Variants in TRAPPC10 observed in about 807,000 individuals in gnomAD.
TRAPPC10 encodes the protein trafficking protein particle complex subunit 10, also known as TRAPP 130 kDa subunit.
TRAPPC10 carries 23 observed loss-of-function variants against 125.5 expected under a neutral mutation model. That is an observed-to-expected ratio of 0.18 (90% confidence interval 0.13 to 0.26). The LOEUF (loss-of-function observed/expected upper bound fraction) is 0.26, where lower values mean the gene tolerates loss of function less well. TRAPPC10 is among the 10% of genes least tolerant of loss of function. The probability of loss-of-function intolerance (pLI) is 1.00; values close to 1 mark genes in which losing one functional copy is unlikely to be tolerated. For missense variants in TRAPPC10, 1,123 were observed against 1,308.4 expected (o/e 0.86, Z 2.19); for synonymous variants, 509 against 518.0 (o/e 0.98, Z 0.24).
At chr21:44,045,124 G>A (rs1387518379) in intron 3 of TRAPPC10, among the ~76,000 whole-genome samples, 1 of 152,066 alleles carries the variant, frequency 6.6e-6, no homozygotes, top group Admixed American at 6.6e-5. Flanking sequence ...TAGTAGAAAC[G>A]GGGTTTCACC....
intron 20 of TRAPPC10, among the ~76,000 whole-genome samples, chr21:44,095,632 C>T (rs750721778): frequency 3.9e-5 from 6 of 152,128 alleles, no homozygotes; most frequent in South Asian, 2.1e-4. Context: ...GGCGCGATCT[C>T]GGCTCACTGC....
intron 3 of TRAPPC10, among the ~76,000 whole-genome samples, chr21:44,047,871 TA>T (rs2034965659): frequency 1.3e-5 from 2 of 152,228 alleles, no homozygotes; most frequent in South Asian, 4.1e-4. Context: ...TGACAGTAGT[TA>T]CTGTAACTCT....
chr21:44,018,559 C>T (rs1000433692), intron 1 of TRAPPC10, among the ~76,000 whole-genome samples: 3 of 151,902 alleles, frequency 2.0e-5, no homozygotes, highest in Admixed American at 1.3e-4. Context: ...ATTAGCTGGG[C>T]GTGGTGGCTC....
At position 44,048,799 on chromosome 21, in the gene TRAPPC10, T is replaced by G. The variant is rs76298768; in HGVS notation, c.286-3481T>G. 5.8e-5 allele frequency among the ~76,000 whole-genome samples: 5 copies of G among 85,780 alleles called. No individual in the cohort carries two copies. The South Asian group carries it at 2.3e-3, about 40-fold the overall frequency. 56.3% of individuals were successfully genotyped at this position (85,780 alleles called of 152,430 possible). A position where few individuals can be genotyped will look rare whatever the true frequency, so the allele number is the denominator to read the frequency against. ...GTGAGCCACCATGCCCACCCTGTGT[T>G]TTTTTTTTTTTTTTTTTTTGGTTGG... is the stretch of plus-strand genomic sequence containing the variant. On this transcript the variant is annotated intron_variant, in intron 3 of 22. Transcript: ENST00000291574.
At chr21:44,047,571 C>T (rs1264379066) in intron 3 of TRAPPC10, among the ~76,000 whole-genome samples, 1 of 111,392 alleles carries the variant, frequency 9.0e-6, no homozygotes, top group Admixed American at 8.8e-5. Flanking sequence ...TGTGTGCGCG[C>T]ACACGCTACA....
intron 1 of TRAPPC10, among the ~76,000 whole-genome samples, chr21:44,025,808 A>G: frequency 7.9e-6 from 1 of 126,904 alleles, no homozygotes; most frequent in South Asian, 2.6e-4. Flanking sequence ...GGGAGAGAGC[A>G]GCAGAGGGCA....
intron 6 of TRAPPC10, chr21:44,062,748 A>G (rs980019846): frequency 3.1e-5 from 31 of 985,238 alleles, no homozygotes; most frequent in Middle Eastern, 5.2e-4. Context: ...CCACACCACT[A>G]TGCGCTCCCC....
Position 44,063,766 on chromosome 21 carries a change from A to G in TRAPPC10, c.1019A>G (p.Gln340Arg). 2 of 1,613,892 alleles carry G rather than the reference A, an allele frequency of 1.2e-6. No individual in the cohort carries two copies. The highest frequency in any genetic ancestry group is 8.5e-7 in the Non-Finnish European group (1 of 1,179,938). The change falls in exon 7 of 23, where the codon CAG (glutamine) becomes CGG (arginine). Residue 340 changes from glutamine to arginine, a missense_variant. By Grantham distance (43) the Gln-to-Arg change is conservative. Transcript: ENST00000291574. This position sits in a 1 kb window ranked among gnomAD's most constrained non-coding sequence, Gnocchi z 4.4. ...CTAGAGCTGCTGCACAACTGCGTGCAGGAACTGAAGCTCTTAGAAGTGAGT... is the reference window on the plus strand; with the variant it reads ...CTAGAGCTGCTGCACAACTGCGTGCGGGAACTGAAGCTCTTAGAAGTGAGT... ...RALELLHNCV[Q>R]ELKLLEVSVP...
intron 1 of TRAPPC10, among the ~76,000 whole-genome samples, chr21:44,026,239 A>G (rs929642075): frequency 6.6e-6 from 1 of 151,876 alleles, no homozygotes; most frequent in African/African-American, 2.4e-5. Context: ...AAGGCTTTTC[A>G]CGGACAGATA....
intron 13 of TRAPPC10, among the ~76,000 whole-genome samples, chr21:44,080,537 C>A (rs2037619293): frequency 6.6e-6 from 1 of 151,010 alleles, no homozygotes; most frequent in African/African-American, 2.4e-5. Flanking sequence ...TCTTTTTCTT[C>A]TTCTTCTTTT....
intron 1 of TRAPPC10, among the ~76,000 whole-genome samples, chr21:44,027,962 T>C (rs1030876440): frequency 2.6e-5 from 4 of 152,180 alleles, no homozygotes; most frequent in Admixed American, 2.6e-4. Flanking sequence ...GATAAATAAA[T>C]TTCTGCTGTT....
intron 20 of TRAPPC10, among the ~76,000 whole-genome samples, 176 bp downstream of exon 20, chr21:44,094,409 G>A (rs1329948386): frequency 3.3e-5 from 5 of 152,124 alleles, no homozygotes; most frequent in African/African-American, 9.7e-5. Flanking sequence ...AGAACCCCAG[G>A]TCCTTCTCAA....
At chr21:44,022,276 A>ATTTTTTTTTT (rs58767563) in intron 1 of TRAPPC10, among the ~76,000 whole-genome samples, 1 of 83,774 alleles carries the variant, frequency 1.2e-5, no homozygotes, top group Non-Finnish European at 2.4e-5. Context: ...GCCTGGCTAA[A>ATTTTTTTTTT]TTTTTTTTTT....
intron 3 of TRAPPC10, among the ~76,000 whole-genome samples, chr21:44,049,573 C>G (rs756296381): frequency 3.2e-4 from 48 of 152,196 alleles, no homozygotes; most frequent in Non-Finnish European, 5.6e-4. Context: ...TGCTTGGCCC[C>G]TTATACCACT....
intron 7 of TRAPPC10, among the ~76,000 whole-genome samples, chr21:44,069,025 A>G (rs528579441): frequency 1.3e-5 from 2 of 152,220 alleles, no homozygotes; most frequent in Admixed American, 6.5e-5. Flanking sequence ...TTCCAGGTGG[A>G]GTTTTGATCT....
At chr21:44,018,324 G>C (rs1239338441) in intron 1 of TRAPPC10, among the ~76,000 whole-genome samples, 1 of 151,998 alleles carries the variant, frequency 6.6e-6, no homozygotes, top group Non-Finnish European at 1.5e-5. Flanking sequence ...AGGATCACTT[G>C]GACCTGGGAC....
At chr21:44,085,269 G>A (rs1225551058) in intron 15 of TRAPPC10, among the ~76,000 whole-genome samples, 1 of 152,000 alleles carries the variant, frequency 6.6e-6, no homozygotes, top group African/African-American at 2.4e-5. Context: ...GAATTTGGGA[G>A]CTAGTATGCC....
At chr21:44,032,385 T>C (rs1013085647) in intron 2 of TRAPPC10, among the ~76,000 whole-genome samples, 62 of 145,108 alleles carry the variant, frequency 4.3e-4, no homozygotes, top group East Asian at 5.9e-4. Flanking sequence ...TTTTCTTTTT[T>C]TTTTTTTTTT....
In TRAPPC10 at chr21:44,059,205, G is replaced by C. The variant is rs1158803731; in HGVS notation, c.781G>C (p.Gly261Arg). The C allele has an allele frequency of 6.2e-7, 1 of 1,604,596 alleles. No individual in the cohort carries two copies. Among genetic ancestry groups the C allele is most frequent in the Non-Finnish European group, 8.5e-7 (1 of 1,176,646 alleles). ...CTTCTCTCAGTATGTGGTCAACTTC[G>C]GGGCCGGGGGTGAGTAGTGGCACTT... ...ALFSQYVVNF[G>R]AGDGANWLTF... Residue 261 changes from glycine to arginine, a missense_variant, in exon 6 of 23, where the codon GGG (glycine) becomes CGG (arginine). Physicochemically the swap from Gly to Arg is moderately radical, Grantham distance 125 (BLOSUM62 -2). Coordinates refer to ENST00000291574, the MANE Select transcript of TRAPPC10 (RefSeq NM_003274.5). The surrounding 1 kb of genome is among the most constrained non-coding windows in gnomAD (Gnocchi z 4.4).
Sources: allele counts gnomAD v4.1 joint callset (sites outside exome capture counted in the v4.1 genomes callset), GRCh38; gene constraint gnomAD v4.1.1; non-coding constraint Gnocchi (gnomAD v3.1); transcripts MANE v1.5; gene names NCBI Gene and HGNC (gene_info 2026-07-23, HGNC 2026-07-21).